Variants in OSBPL10 observed in about 807,000 individuals in gnomAD.
OSBPL10 encodes the protein oxysterol binding protein like 10.
OSBPL10 carries 49 observed loss-of-function variants against 81.7 expected under a neutral mutation model. That is an observed-to-expected ratio of 0.60 (90% CI 0.48 to 0.76). OSBPL10 has a LOEUF of 0.76. Ranked by LOEUF, OSBPL10 falls within the 30% of genes least tolerant of loss-of-function variation. OSBPL10 has a pLI of 0.00. For missense variants in OSBPL10, 923 were observed against 987.8 expected (o/e 0.93, Z 0.88); for synonymous variants, 419 against 383.6 (o/e 1.09, Z -1.08).
chr3:31,717,776 A>AT (rs1466287770), intron 6 of OSBPL10, among the ~76,000 whole-genome samples: 4 of 152,136 alleles, frequency 2.6e-5, no homozygotes, highest in Admixed American at 1.3e-4. Flanking sequence ...AGCAATTCAT[A>AT]TTTTTTTCAC....
chr3:31,748,143 G>A (rs1697592651), intron 4 of OSBPL10, 23 bp from the exon 5 acceptor site: 1 of 1,589,182 alleles, frequency 6.3e-7, no homozygotes, highest in Non-Finnish European at 8.6e-7. Context: ...AAGACAGTAA[G>A]GAGGTGAGGG....
At chr3:32,014,008 C>G (rs900638954) in intron 2 of OSBPL10, among the ~76,000 whole-genome samples, 2 of 152,118 alleles carry the variant, frequency 1.3e-5, no homozygotes, top group East Asian at 3.8e-4. Flanking sequence ...CCGAATTCTA[C>G]CAGAGGTACA....
chr3:31,770,825 C>A (rs993289866), intron 4 of OSBPL10, among the ~76,000 whole-genome samples: 1 of 152,110 alleles, frequency 6.6e-6, no homozygotes, highest in African/African-American at 2.4e-5. Flanking sequence ...CTCAGCTTCA[C>A]GGAAAACTAA....
intron 4 of OSBPL10, chr3:31,794,924 C>T (rs949499319): frequency 2.5e-5 from 9 of 357,446 alleles, no homozygotes; most frequent in African/African-American, 1.6e-4. Flanking sequence ...AGAAGGGGTG[C>T]CAGAGAAGTG....
chr3:31,708,046 C>T (rs971836798), intron 6 of OSBPL10, among the ~76,000 whole-genome samples: 10 of 152,146 alleles, frequency 6.6e-5, no homozygotes, highest in African/African-American at 2.4e-4. Context: ...CTATGAGGAG[C>T]AAGTGCCCAA....
At chr3:31,934,084 A>C (rs576709729) in intron 1 of OSBPL10, among the ~76,000 whole-genome samples, 3 of 151,878 alleles carry the variant, frequency 2.0e-5, no homozygotes, top group South Asian at 2.1e-4. Context: ...TTTAAAAAAA[A>C]AAAAACAAAA....
rs143527326 is a variant in OSBPL10, at chr3:31,868,349, A to G, written c.537+8084T>C. On this transcript the variant is annotated intron_variant, in intron 3 of 11. Coordinates refer to ENST00000396556, the MANE Select transcript of OSBPL10 (RefSeq NM_017784.5). ...TGGCACTAAGAATACATTTGCAGTG[A>G]GGATGGGGAATGCCAGTCAGAAAAC... Among the ~76,000 whole-genome samples, 1,122 of 152,312 alleles carry G rather than the reference A, an allele frequency of 7.4e-3. 13 individuals carry two copies. Among genetic ancestry groups the G allele is most frequent in the African/African-American group, 0.025 (1,047 of 41,554 alleles).
intron 1 of OSBPL10, among the ~76,000 whole-genome samples, chr3:31,931,542 G>A (rs1330658830): frequency 6.6e-6 from 1 of 152,130 alleles, no homozygotes; most frequent in Non-Finnish European, 1.5e-5. Flanking sequence ...TACATCAGTG[G>A]AAGCTGACTG....
chr3:31,807,810 C>T lies in OSBPL10; in HGVS notation c.729+22230G>A, dbSNP rs543069110. Among the ~76,000 whole-genome samples the T allele has an allele frequency of 2.0e-5, 3 of 152,140 alleles. No homozygotes were observed. In the South Asian group the frequency reaches 6.2e-4, roughly 32 times the overall value. ...AGCAGAACAATGAAGGTAGAGGTAA[C>T]AAGACATGATGTGGCCAAATTTAGA... On this transcript the variant is annotated intron_variant, in intron 4 of 11. Coordinates refer to ENST00000396556, the MANE Select transcript of OSBPL10 (RefSeq NM_017784.5).
At chr3:31,792,089 TGTG>T (rs1035747892) in intron 4 of OSBPL10, among the ~76,000 whole-genome samples, 1 of 151,858 alleles carries the variant, frequency 6.6e-6, no homozygotes, top group Non-Finnish European at 1.5e-5. Flanking sequence ...ATTAGCCAGG[TGTG>T]GTGGCGCACA....
intron 4 of OSBPL10, among the ~76,000 whole-genome samples, chr3:31,811,691 C>A (rs946172180): frequency 6.6e-6 from 1 of 151,992 alleles, no homozygotes; most frequent in Non-Finnish European, 1.5e-5. Context: ...TTTTTAAAAA[C>A]AAGACCATTA....
At chr3:31,789,714 A>AGGCCACATCGTAGGAGGACC (rs1698964114) in intron 4 of OSBPL10, among the ~76,000 whole-genome samples, 1 of 152,246 alleles carries the variant, frequency 6.6e-6, no homozygotes, top group South Asian at 2.1e-4. Context: ...AACGGAGGCC[A>AGGCCACATCGTAGGAGGACC]GGCCACATCG....
chr3:31,862,902 C>G (rs1220404677), intron 3 of OSBPL10, among the ~76,000 whole-genome samples: 1 of 152,154 alleles, frequency 6.6e-6, no homozygotes, highest in Non-Finnish European at 1.5e-5. Context: ...ATGGCCCAGT[C>G]ATTCCACTTT....
At chr3:31,889,609 G>T (rs538171485) in intron 1 of OSBPL10, among the ~76,000 whole-genome samples, 1 of 151,794 alleles carries the variant, frequency 6.6e-6, no homozygotes, top group South Asian at 2.1e-4. Flanking sequence ...AAAAAAAATT[G>T]ACCTCCTAGA....
chr3:31,939,290 G>A (rs908435983), intron 1 of OSBPL10, among the ~76,000 whole-genome samples: 5 of 151,296 alleles, frequency 3.3e-5, no homozygotes, highest in South Asian at 2.1e-4. Flanking sequence ...GACTACGGGC[G>A]CATGCCACCA....
chr3:31,844,804 T>G (rs1038022125), intron 3 of OSBPL10, among the ~76,000 whole-genome samples: 2 of 152,260 alleles, frequency 1.3e-5, no homozygotes, highest in Non-Finnish European at 2.9e-5. Flanking sequence ...CCAGGCACAG[T>G]GGCTCACGCC....
chr3:31,891,153 G>C (rs191545294), intron 1 of OSBPL10, among the ~76,000 whole-genome samples: 38 of 152,182 alleles, frequency 2.5e-4, no homozygotes, highest in African/African-American at 8.4e-4. Flanking sequence ...TTTTCTCTAG[G>C]GGCAACAAAG....
chr3:31,722,033 C>T (rs1696660946), intron 6 of OSBPL10, among the ~76,000 whole-genome samples: 1 of 152,158 alleles, frequency 6.6e-6, no homozygotes, highest in Non-Finnish European at 1.5e-5. Flanking sequence ...TATCATGAAA[C>T]AGCTTAAAGA....
intron 6 of OSBPL10, chr3:31,707,050 C>T (rs913829644): frequency 2.7e-5 from 4 of 149,584 alleles, no homozygotes; most frequent in African/African-American, 9.8e-5. Flanking sequence ...CTACTAACAT[C>T]TCCTTTATTT....
Sources: gnomAD v4.1 joint callset for allele counts (sites outside exome capture counted in the v4.1 genomes callset) on GRCh38, gnomAD v4.1.1 for gene constraint, MANE v1.5 for transcripts, NCBI Gene and HGNC (gene_info 2026-07-23, HGNC 2026-07-21) for gene names.